Variants in ATP11B observed in about 807,000 individuals in gnomAD.
ATP11B encodes ATPase phospholipid transporting 11B (putative).
ATP11B carries 81 observed loss-of-function variants against 157.8 expected under a neutral mutation model. The observed-to-expected ratio is 0.51, with a 90% CI of 0.43 to 0.62. The LOEUF is 0.62. Ranked by LOEUF, ATP11B falls within the 20% of genes least tolerant of loss-of-function variation. The pLI, the probability that ATP11B is intolerant of heterozygous loss-of-function variation, is 0.00. For missense variants in ATP11B, 1,165 were observed against 1,402.2 expected, an observed-to-expected ratio of 0.83 and a Z score of 2.70; for synonymous variants, 451 against 469.4, an observed-to-expected ratio of 0.96 and a Z score of 0.51.
intron 28 of ATP11B, among the ~76,000 whole-genome samples, chr3:182,908,915 A>C (rs1344998141): frequency 6.6e-6 from 1 of 152,162 alleles, no homozygotes; most frequent in East Asian, 1.9e-4. Flanking sequence ...CCTTCTTTCC[A>C]AATAACTCCT....
intron 2 of ATP11B, among the ~76,000 whole-genome samples, chr3:182,821,826 T>C (rs1019055858): frequency 6.6e-6 from 1 of 152,218 alleles, no homozygotes; most frequent in Non-Finnish European, 1.5e-5. Flanking sequence ...ATCATAACTA[T>C]TGCCTGAAAG....
chr3:182,829,296 A>G (rs1717952204), intron 3 of ATP11B, among the ~76,000 whole-genome samples: 1 of 152,200 alleles, frequency 6.6e-6, no homozygotes, highest in African/African-American at 2.4e-5. Flanking sequence ...TTCTTTCCAT[A>G]GTCCCATTCC....
At chr3:182,818,498 G>C (rs1199630128) in intron 1 of ATP11B, among the ~76,000 whole-genome samples, 1 of 152,050 alleles carries the variant, frequency 6.6e-6, no homozygotes, top group African/African-American at 2.4e-5. Flanking sequence ...GCAAAAGCAG[G>C]GTAGAAAAAT....
intron 29 of ATP11B, chr3:182,916,552 G>C (rs1725154260): frequency 1.0e-6 from 1 of 985,154 alleles, no homozygotes; most frequent in African/African-American, 1.7e-5. Context: ...GCACCCTAAA[G>C]AGCTGGATTT....
chr3:182,899,037 A>G (rs932676293), intron 28 of ATP11B, among the ~76,000 whole-genome samples: 7 of 152,102 alleles, frequency 4.6e-5, no homozygotes, highest in African/African-American at 1.7e-4. Context: ...GAAACTATCA[A>G]ATTATATCCA....
In ATP11B at chr3:182,866,435, T is replaced by C; in HGVS notation, c.1611T>C (p.Ala537=). 6.2e-7 allele frequency: 1 copy of C among 1,600,654 alleles called. No homozygotes were observed. The highest frequency in any genetic ancestry group is 2.2e-5 in the East Asian group (1 of 44,598). ...CAGATGAAAAGGCTCTAGTAGAAGC[T>C]GCTGCAAGGTAATTTAGTCTGATTT... ...SSPDEKALVE[A]AARIGIVFIG... is the part of the protein sequence containing the mutation. Residue 537 remains alanine, a synonymous_variant, in exon 14 of 30, where the codon GCT becomes GCC. Transcript: ENST00000323116.
At chr3:182,804,265 A>G in intron 1 of ATP11B, among the ~76,000 whole-genome samples, 1 of 148,902 alleles carries the variant, frequency 6.7e-6, no homozygotes, top group Non-Finnish European at 1.5e-5. Context: ...TTTTCTTTTG[A>G]GACAGAGTCT....
chr3:182,885,179 A>G (rs143009636), intron 22 of ATP11B, among the ~76,000 whole-genome samples: 1 of 152,268 alleles, frequency 6.6e-6, no homozygotes, highest in East Asian at 1.9e-4. Context: ...TTTTAAGTAG[A>G]GTTCTTAGCC....
chr3:182,809,544 C>T (rs1339429133), intron 1 of ATP11B, among the ~76,000 whole-genome samples: 1 of 152,208 alleles, frequency 6.6e-6, no homozygotes, highest in Non-Finnish European at 1.5e-5. Context: ...CCACCACGCC[C>T]TGCCCGCTCT....
intron 21 of ATP11B, among the ~76,000 whole-genome samples, chr3:182,882,427 A>G (rs1368236302): frequency 6.6e-6 from 1 of 152,138 alleles, no homozygotes; most frequent in Non-Finnish European, 1.5e-5. Context: ...AATTTAGAAT[A>G]TAACAAAGGA....
intron 18 of ATP11B, among the ~76,000 whole-genome samples, chr3:182,873,551 G>A (rs1721818188): frequency 6.6e-6 from 1 of 152,142 alleles, no homozygotes; most frequent in African/African-American, 2.4e-5. Flanking sequence ...CCTATGAATA[G>A]CAACTTTGAA....
chr3:182,895,070 G>A (rs1723442658), intron 25 of ATP11B, among the ~76,000 whole-genome samples: 1 of 138,642 alleles, frequency 7.2e-6, no homozygotes, highest in African/African-American at 2.8e-5. Flanking sequence ...CCGAGATCAT[G>A]CCATTGCACT....
chr3:182,859,715 T>C (rs1720688397), intron 12 of ATP11B, among the ~76,000 whole-genome samples: 1 of 152,162 alleles, frequency 6.6e-6, no homozygotes, highest in Non-Finnish European at 1.5e-5. Flanking sequence ...TTAACATTAT[T>C]ATGATTGTTT....
At chr3:182,799,660 T>A (rs572817024) in intron 1 of ATP11B, among the ~76,000 whole-genome samples, 1 of 152,156 alleles carries the variant, frequency 6.6e-6, no homozygotes, top group African/African-American at 2.4e-5. Flanking sequence ...TTAATTTTAA[T>A]TTTTTTATTC....
intron 28 of ATP11B, among the ~76,000 whole-genome samples, chr3:182,909,262 A>T (rs1383842446): frequency 6.6e-6 from 1 of 152,218 alleles, no homozygotes; most frequent in African/African-American, 2.4e-5. Flanking sequence ...AATTTCTGTG[A>T]AGATGAGCAT....
chr3:182,913,291 A>G (rs1724919738), intron 28 of ATP11B, among the ~76,000 whole-genome samples: 1 of 152,220 alleles, frequency 6.6e-6, no homozygotes, highest in Non-Finnish European at 1.5e-5. Context: ...GAGTGGATCT[A>G]TGTAGAGTGC....
intron 25 of ATP11B, among the ~76,000 whole-genome samples, chr3:182,890,476 G>A (rs1011032027): frequency 1.3e-5 from 2 of 152,166 alleles, no homozygotes; most frequent in Non-Finnish European, 2.9e-5. Context: ...TTAGAATCTT[G>A]AAAAGGATAC....
chr3:182,921,379 A>G lies in ATP11B; in HGVS notation c.*3275A>G, dbSNP rs147079510. The G allele has an allele frequency of 4.2e-3, 642 of 152,344 alleles. 7 individuals carry two copies. Among genetic ancestry groups the G allele is most frequent in the African/African-American group, 0.015 (621 of 41,578 alleles). 9.4% of individuals were successfully genotyped at this position (152,344 alleles called of 1,614,324 possible). ...GTGAAATAACTTGAATGTTGTTCCT[A>G]TAAAAAATAGATCATAACTCATGAT... On this transcript the variant is annotated 3_prime_UTR_variant, in exon 30 of 30. Transcript: ENST00000323116.
chr3:182,917,677 T>C, intron 29 of ATP11B: 1 of 985,388 alleles, frequency 1.0e-6, no homozygotes, highest in Non-Finnish European at 1.2e-6. Flanking sequence ...AACTGAACTT[T>C]TCAGTAAAAC....
Sources: gnomAD v4.1 joint callset for allele counts (sites outside exome capture counted in the v4.1 genomes callset) on GRCh38, gnomAD v4.1.1 for gene constraint, MANE v1.5 for transcripts, NCBI Gene and HGNC (gene_info 2026-07-23, HGNC 2026-07-21) for gene names.